Variants in SLC11A2 observed in about 807,000 individuals in gnomAD.
The protein encoded by SLC11A2 is natural resistance-associated macrophage protein 2.
Under a neutral mutation model 68.0 loss-of-function variants are expected in SLC11A2, and 38 were observed. The observed-to-expected ratio is 0.56, with a 90% CI of 0.43 to 0.73. The LOEUF (loss-of-function observed/expected upper bound fraction) is 0.73. Ranked by LOEUF, SLC11A2 falls within the 30% of genes least tolerant of loss-of-function variation. The pLI, the probability that SLC11A2 is intolerant of heterozygous loss-of-function variation, is 0.00. For synonymous variants in SLC11A2, 242 were observed against 250.6 expected (o/e 0.97, Z 0.32); for missense variants, 517 against 690.5 (o/e 0.75, Z 2.82).
In SLC11A2 at chr12:51,015,303, C is replaced by T. The variant is rs550157422; in HGVS notation, c.-38-4537G>A. On this transcript the variant is annotated intron_variant, in intron 1 of 15. Transcript: ENST00000262052. ...CAAGCCTGACCAACATGGAGAAACC[C>T]TGCCTCTACTAAAAATACAAAATTA... Among the ~76,000 whole-genome samples the T allele has an allele frequency of 8.4e-4, 128 of 151,854 alleles. 1 individual carries two copies. The Middle Eastern group carries it at 0.027, about 32-fold the overall frequency.
In SLC11A2 at chr12:50,988,204, C is replaced by A; in HGVS notation, c.*121G>T. The A allele has an allele frequency of 1.3e-6, 2 of 1,566,732 alleles. No individual in the cohort carries two copies. Among genetic ancestry groups the A allele is most frequent in the South Asian group, 2.3e-5 (2 of 85,950 alleles). ...CACATGAAACAAAGTCTTTTCCAAC[C>A]AACGGTTGAGTCATAAACACAGTCT... On this transcript the variant is annotated 3_prime_UTR_variant, in exon 16 of 16. Transcript: ENST00000262052.
the SLC11A2 span, among the ~76,000 whole-genome samples, chr12:50,971,023 C>T: frequency 6.6e-6 from 1 of 152,032 alleles, no homozygotes; most frequent in Non-Finnish European, 1.5e-5. Flanking sequence ...GGATTACAAG[C>T]ACCCACCACC....
In SLC11A2 at chr12:50,986,036, C is replaced by A. The variant is rs867212578; in HGVS notation, c.*2289G>T. ...TTTAATTAGAAACCAAGTTTACATA[C>A]GGTTAAATGGTTACTAAAAGCTCAG... On this transcript the variant is annotated 3_prime_UTR_variant, in exon 16 of 16. Coordinates refer to ENST00000262052, the MANE Select transcript of SLC11A2 (RefSeq NM_000617.3). 9 of 1,179,662 alleles carry A rather than the reference C, an allele frequency of 7.6e-6. No individual in the cohort carries two copies. Among genetic ancestry groups the A allele is most frequent in the African/African-American group, 1.6e-5 (1 of 61,630 alleles). The allele number at this position is 1,179,662 out of a possible 1,614,324, so 73.1% of individuals were successfully genotyped here.
the SLC11A2 span, among the ~76,000 whole-genome samples, chr12:50,970,956 G>A: frequency 1.3e-5 from 2 of 151,842 alleles, no homozygotes; most frequent in Non-Finnish European, 2.9e-5. Context: ...TCCGCTCACC[G>A]CAACCTCTGC....
intron 8 of SLC11A2, among the ~76,000 whole-genome samples, chr12:50,998,565 T>G (rs1446093245): frequency 6.6e-6 from 1 of 152,168 alleles, no homozygotes. Flanking sequence ...TTGGAAGCCT[T>G]AGGCCAAGAG....
chr12:50,996,094 C>G (rs958571234), intron 9 of SLC11A2, among the ~76,000 whole-genome samples: 3 of 152,156 alleles, frequency 2.0e-5, no homozygotes, highest in Non-Finnish European at 2.9e-5. Flanking sequence ...ATAAAAACGA[C>G]CTGATTTCAG....
downstream of SLC11A2, among the ~76,000 whole-genome samples, chr12:50,985,180 T>G (rs114154034): frequency 4.2e-3 from 639 of 152,246 alleles, 7 homozygotes; most frequent in African/African-American, 0.014. Flanking sequence ...CTGACAGATT[T>G]AGATTCATTG....
At chr12:51,022,732 C>T (rs953245906) in intron 1 of SLC11A2, among the ~76,000 whole-genome samples, 8 of 152,162 alleles carry the variant, frequency 5.3e-5, no homozygotes, top group Non-Finnish European at 8.8e-5. Context: ...CCTCTTTCTG[C>T]TCTTTGAAAC....
chr12:50,957,269 A>G, the SLC11A2 span, among the ~76,000 whole-genome samples: 71,948 of 151,016 alleles, frequency 0.48, 18,114 homozygotes, highest in South Asian at 0.65. Flanking sequence ...GGAGCGCAAT[A>G]GCACAATCCT....
intron 5 of SLC11A2, chr12:51,000,780 C>A (rs529119951): frequency 3.5e-6 from 2 of 571,562 alleles, no homozygotes; most frequent in Non-Finnish European, 6.1e-6. Context: ...GATGCTAATA[C>A]GGTCCAAATA....
At chr12:50,988,694 C>T (rs2136167648) in intron 15 of SLC11A2, among the ~76,000 whole-genome samples, 1 of 151,910 alleles carries the variant, frequency 6.6e-6, no homozygotes, top group African/African-American at 2.4e-5. Flanking sequence ...TGTGGTTTTC[C>T]TTTTTTTTAA....
intron 1 of SLC11A2, among the ~76,000 whole-genome samples, chr12:51,015,664 T>C (rs1033559221): frequency 1.3e-5 from 2 of 152,158 alleles, no homozygotes; most frequent in Admixed American, 1.3e-4. Context: ...CTTCGTCACA[T>C]TAAGGAAAAG....
chr12:51,000,494 C>A (rs920469141), intron 5 of SLC11A2, 75 bp from the exon 6 acceptor site: 1 of 1,115,258 alleles, frequency 9.0e-7, no homozygotes, highest in Non-Finnish European at 1.4e-6. Flanking sequence ...TTGGAATTCA[C>A]ATTTTGGCAC....
At chr12:50,979,094 G>A (rs1218205914), downstream of SLC11A2, among the ~76,000 whole-genome samples, 1 of 152,114 alleles carries the variant, frequency 6.6e-6, no homozygotes, top group Non-Finnish European at 1.5e-5. Flanking sequence ...TTATTCTTAA[G>A]ATTGAATATA....
At chr12:50,993,147 A>T in intron 11 of SLC11A2, 1 of 521,824 alleles carries the variant, frequency 1.9e-6, no homozygotes, top group Non-Finnish European at 3.5e-6. Flanking sequence ...TTCTCTGCCT[A>T]GTCCTTTCTC....
At chr12:50,981,448 T>G (rs1940019707), downstream of SLC11A2, 2 of 266,574 alleles carry the variant, frequency 7.5e-6, no homozygotes, top group Non-Finnish European at 1.5e-5. Flanking sequence ...TATATATCTT[T>G]TAAATCCCAG....
At chr12:50,953,850 A>C in the SLC11A2 span, 1 of 555,566 alleles carries the variant, frequency 1.8e-6, no homozygotes, top group East Asian at 2.9e-5. Context: ...TGTGAAGGAA[A>C]GACAATTGTT....
chr12:50,981,463 C>T (rs1041670137), downstream of SLC11A2: 12 of 329,860 alleles, frequency 3.6e-5, no homozygotes, highest in African/African-American at 2.3e-4. Context: ...TCCCAGAGTC[C>T]AAGACACAAG....
Position 50,996,815 on chromosome 12 carries a change from A to G in SLC11A2, c.831+2T>C. 6.2e-7 allele frequency: 1 copy of G among 1,614,016 alleles called. No individual in the cohort carries two copies. ...GGTGAAGGAGATAAGGGCCTTGCTC[A>G]CCTTGACTAAGGCAGAATGCAGGTA... On this transcript the variant is annotated splice_donor_variant, in intron 9 of 15. Coordinates refer to ENST00000262052, the MANE Select transcript of SLC11A2 (RefSeq NM_000617.3). LOFTEE classifies it high-confidence loss of function.
Sources: allele counts gnomAD v4.1 joint callset (sites outside exome capture counted in the v4.1 genomes callset), GRCh38; gene constraint gnomAD v4.1.1; transcripts MANE v1.5; gene names NCBI Gene and HGNC (gene_info 2026-07-23, HGNC 2026-07-21).